CYREN: variants seen among roughly 807,000 people sequenced by gnomAD.
CYREN encodes cell cycle regulator of NHEJ.
In CYREN, 7 loss-of-function variants were observed where a neutral mutation model predicts 9.7. That is an observed-to-expected ratio of 0.72 (90% CI 0.41 to 1.36). The LOEUF is 1.36. Ranked by LOEUF, CYREN falls within the 40% of genes most tolerant of loss-of-function variation. CYREN has a pLI of 0.01. For missense variants in CYREN, 215 were observed against 198.1 expected, an observed-to-expected ratio of 1.09 and a Z score of -0.51; for synonymous variants, 76 against 77.9, an observed-to-expected ratio of 0.98 and a Z score of 0.13.
chr7:135,142,957 T>C (rs554174502), intron 2 of CYREN, among the ~76,000 whole-genome samples: 7 of 152,306 alleles, frequency 4.6e-5, no homozygotes, highest in Middle Eastern at 3.4e-3. Context: ...ATCAACAAAC[T>C]GTTTCTAAAG....
intron 2 of CYREN, among the ~76,000 whole-genome samples, chr7:135,119,641 G>A (rs1826848301): frequency 6.6e-6 from 1 of 152,042 alleles, no homozygotes. Flanking sequence ...ACTTTGGGAG[G>A]CCGAGGTGGG....
chr7:135,134,409 A>T (rs1215880175), intron 2 of CYREN, among the ~76,000 whole-genome samples: 2 of 151,874 alleles, frequency 1.3e-5, no homozygotes, highest in African/African-American at 4.8e-5. Flanking sequence ...CCTCTCTTAG[A>T]CTCACGTTGA....
intron 2 of CYREN, 126 bp downstream of exon 2, chr7:135,168,660 G>T (rs1274840407): frequency 2.8e-6 from 4 of 1,405,524 alleles, no homozygotes; most frequent in Admixed American, 4.6e-5. Flanking sequence ...AAGCTCAAGA[G>T]ATGATCAGAC....
chr7:135,154,349 C>T (rs10267690), intron 2 of CYREN, among the ~76,000 whole-genome samples: 151,511 of 152,326 alleles, frequency 0.99, 75,353 homozygotes, highest in Middle Eastern at 1. Context: ...ATTTTTTGTC[C>T]CTGTTTCATT....
intron 2 of CYREN, among the ~76,000 whole-genome samples, chr7:135,155,662 G>C (rs1450567571): frequency 1.3e-5 from 2 of 152,094 alleles, no homozygotes; most frequent in Admixed American, 6.5e-5. Flanking sequence ...ACCAACCGGG[G>C]CAAAATAGCA....
chr7:135,166,404 C>T lies in CYREN; in HGVS notation c.*207G>A. 1.5e-6 allele frequency: 1 copy of T among 654,664 alleles called. No individual in the cohort carries two copies. The highest frequency in any genetic ancestry group is 2.4e-6 in the Non-Finnish European group (1 of 409,734). 40.6% of individuals were successfully genotyped at this position (654,664 alleles called of 1,614,324 possible). A position where few individuals can be genotyped will look rare whatever the true frequency, so the allele number is the denominator to read the frequency against. ...GTCAAATGGGATCTCATTTTGAGTC[C>T]TGCCTTCCGCACACTCAGAACGGCA... On this transcript the variant is annotated 3_prime_UTR_variant, in exon 4 of 4. Coordinates refer to ENST00000393114, the MANE Select transcript of CYREN (RefSeq NM_024033.4).
At chr7:135,102,965 G>A (rs1824077891) in intron 2 of CYREN, among the ~76,000 whole-genome samples, 1 of 152,018 alleles carries the variant, frequency 6.6e-6, no homozygotes, top group Non-Finnish European at 1.5e-5. Flanking sequence ...ACACTGTTAA[G>A]AAAATTAAAA....
At chr7:135,116,854 C>G (rs1035557254) in intron 2 of CYREN, among the ~76,000 whole-genome samples, 5 of 152,144 alleles carry the variant, frequency 3.3e-5, no homozygotes, top group Non-Finnish European at 5.9e-5. Flanking sequence ...TGGTCCTTTT[C>G]TACACAGTAC....
At chr7:135,096,947 T>C (rs184190729) in intron 2 of CYREN, among the ~76,000 whole-genome samples, 21 of 152,248 alleles carry the variant, frequency 1.4e-4, no homozygotes, top group African/African-American at 5.1e-4. Flanking sequence ...TGAAAGCACA[T>C]ATGAAGACTG....
At chr7:135,153,231 AG>A (rs1829705277) in intron 2 of CYREN, 2 of 152,252 alleles carry the variant, frequency 1.3e-5, no homozygotes, top group African/African-American at 4.8e-5. Flanking sequence ...CAAGGTGGGC[AG>A]ATCACGAGAT....
At chr7:135,115,376 C>T in intron 2 of CYREN, 1 of 1,543,958 alleles carries the variant, frequency 6.5e-7, no homozygotes, top group Non-Finnish European at 8.8e-7. Flanking sequence ...TGGTTGCTCC[C>T]CAGATCTGCA....
At chr7:135,109,920 C>A (rs1478250939) in intron 2 of CYREN, among the ~76,000 whole-genome samples, 1 of 152,172 alleles carries the variant, frequency 6.6e-6, no homozygotes, top group East Asian at 1.9e-4. Flanking sequence ...TGAACCACTG[C>A]CAGCTGGAAA....
In CYREN at chr7:135,112,325, CCT is replaced by C. The variant is rs539061602; in HGVS notation, n.357-17745_357-17744del. On this transcript the variant is annotated intron_variant and non_coding_transcript_variant, in intron 2 of 2. Coordinates refer to the CYREN transcript ENST00000459937. ...TCTTGCGTAAAATCTTCAATGTCCC[CCT>C]GTTTCATTCAAAACACATTTATTTA... Among the ~76,000 whole-genome samples the C allele has an allele frequency of 1.9e-3, 290 of 152,316 alleles. 2 individuals are homozygous for C. The highest frequency in any genetic ancestry group is 6.7e-3 in the African/African-American group (280 of 41,570).
intron 2 of CYREN, among the ~76,000 whole-genome samples, chr7:135,138,051 A>G (rs1829387316): frequency 6.6e-6 from 1 of 151,972 alleles, no homozygotes; most frequent in African/African-American, 2.4e-5. Context: ...ATCAGACCAT[A>G]ACAACCGCTG....
chr7:135,167,466 C>T, intron 3 of CYREN: 2 of 1,340,034 alleles, frequency 1.5e-6, no homozygotes, highest in Non-Finnish European at 1.9e-6. Flanking sequence ...CACACCAGTG[C>T]ACAGTCACGC....
chr7:135,139,680 T>A (rs1329128304), intron 2 of CYREN, among the ~76,000 whole-genome samples: 1 of 152,156 alleles, frequency 6.6e-6, no homozygotes, highest in East Asian at 1.9e-4. Flanking sequence ...TTCCAGGTTT[T>A]CTTCTATGCT....
Position 135,166,767 on chromosome 7 carries a change from G to C in CYREN, c.318C>G (p.Ser106Arg). The change falls in exon 4 of 4, where the codon AGC (serine) becomes AGG (arginine). Residue 106 changes from serine to arginine, a missense_variant. Coordinates refer to ENST00000393114, the MANE Select transcript of CYREN (RefSeq NM_024033.4). ...TCCCACTGTCCTCTTCCTCACTGCT[G>C]CTCCCAGAACTTGTGTGAGGCGACA... ...CSVSPHTSSG[S>R]SSEEEDSGKQ... 6.2e-7 allele frequency: 1 copy of C among 1,614,148 alleles called. No homozygotes were observed. The highest frequency in any genetic ancestry group is 1.1e-5 in the South Asian group (1 of 91,086).
chr7:135,171,665 A>T (rs930197928), upstream of CYREN, among the ~76,000 whole-genome samples: 1 of 152,208 alleles, frequency 6.6e-6, no homozygotes, highest in Non-Finnish European at 1.5e-5. Context: ...TAGCTTGCCA[A>T]TGCTCCCAGC....
chr7:135,166,706 T>C lies in CYREN; in HGVS notation c.379A>G (p.Arg127Gly), dbSNP rs755961818. Residue 127 changes from arginine (R) to glycine (G), a missense_variant, in exon 4 of 4, where the codon AGG (arginine) becomes GGG (glycine). Arg to Gly is a moderately radical substitution (Grantham distance 125). Transcript: ENST00000393114. Reference sequence around the variant, plus strand: ...CAGGCAGAGCTGGAACCCCCCGGCCTCTGGGAAGGGCTGAGGCCTGGAGCC... The same window carrying C: ...CAGGCAGAGCTGGAACCCCCCGGCCCCTGGGAAGGGCTGAGGCCTGGAGCC... ...ALAPGLSPSQ[R>G]PGGSSSACSR... The C allele has an allele frequency of 1.4e-5, 23 of 1,613,306 alleles. No individual in the cohort carries two copies. Among genetic ancestry groups the C allele is most frequent in the Non-Finnish European group, 1.9e-5 (23 of 1,180,044 alleles).
Sources: allele counts gnomAD v4.1 joint callset (sites outside exome capture counted in the v4.1 genomes callset), GRCh38; gene constraint gnomAD v4.1.1; transcripts MANE v1.5; gene names NCBI Gene and HGNC (gene_info 2026-07-23, HGNC 2026-07-21).